VEPH1: variants seen among roughly 807,000 people sequenced by gnomAD.
VEPH1 encodes the protein ventricular zone-expressed PH domain-containing protein homolog 1.
A neutral mutation model predicts 85.2 loss-of-function variants in VEPH1; 80 were observed. The observed-to-expected ratio is 0.94, with a 90% CI of 0.78 to 1.13. The LOEUF (loss-of-function observed/expected upper bound fraction) is 1.13. Ranked by LOEUF, VEPH1 falls within the 50% of genes most tolerant of loss-of-function variation. VEPH1 has a pLI of 0.00. For synonymous variants in VEPH1, 297 were observed against 348.0 expected (o/e 0.85, Z 1.63); for missense variants, 955 against 980.5 (o/e 0.97, Z 0.35).
intron 6 of VEPH1, among the ~76,000 whole-genome samples, chr3:157,394,843 G>T (rs1280582872): frequency 6.6e-6 from 1 of 152,090 alleles, no homozygotes; most frequent in African/African-American, 2.4e-5. Context: ...TGTGAGTGGT[G>T]TCCCTTCTAC....
chr3:157,428,324 C>T lies in VEPH1; in HGVS notation c.694G>A (p.Glu232Lys), dbSNP rs35911360. 6.2e-6 allele frequency: 10 copies of T among 1,613,874 alleles called. No homozygotes were observed. In the Admixed American group the frequency reaches 1.2e-4, roughly 19 times the overall value. The change falls in exon 5 of 14, where the codon GAG (glutamate) becomes AAG (lysine). Residue 232 changes from glutamate to lysine, a missense_variant and splice_region_variant. By Grantham distance (56) the Glu-to-Lys change is moderately conservative. Coordinates refer to ENST00000362010, the MANE Select transcript of VEPH1 (RefSeq NM_001167912.2). ...GACATATACAATGTACTTTTTACCT[C>T]GAGTTGTTTTTTCTTTGCTGCTACA... Reference protein sequence around the residue: ...LHVAAKKKQLEVVQKCIPFLI... With the variant: ...LHVAAKKKQLKVVQKCIPFLI...
chr3:157,369,193 A>AAAAAAAAAAAAAAAAAAAAAAAAAAC (rs1553773125), intron 7 of VEPH1, among the ~76,000 whole-genome samples: 2 of 140,570 alleles, frequency 1.4e-5, no homozygotes, highest in East Asian at 2.2e-4. Flanking sequence ...AAAAAAAAAA[A>AAAAAAAAAAAAAAAAAAAAAAAAAAC]AAAAAAAAAA....
At chr3:157,400,556 A>G (rs1029360771) in intron 6 of VEPH1, among the ~76,000 whole-genome samples, 4 of 152,120 alleles carry the variant, frequency 2.6e-5, no homozygotes, top group Non-Finnish European at 4.4e-5. Context: ...TATGGTCTTT[A>G]GTTTGAATTT....
At chr3:157,428,214 G>T (rs1274763206) in intron 5 of VEPH1, 108 bp downstream of exon 5, 7 of 1,191,988 alleles carry the variant, frequency 5.9e-6, no homozygotes, top group Non-Finnish European at 8.0e-6. Context: ...TTAAAAAAAT[G>T]GGCATTTGTA....
intron 4 of VEPH1, among the ~76,000 whole-genome samples, chr3:157,448,928 T>G (rs969658907): frequency 1.4e-4 from 22 of 152,186 alleles, no homozygotes; most frequent in African/African-American, 5.3e-4. Context: ...ACTATTCTCA[T>G]GGTAGTAAAT....
intron 9 of VEPH1, among the ~76,000 whole-genome samples, chr3:157,350,165 A>G (rs181345729): frequency 1.4e-4 from 21 of 152,332 alleles, no homozygotes; most frequent in Admixed American, 1.3e-3. Context: ...TGTCATAGAA[A>G]CAGACACGTA....
chr3:157,272,008 G>T (rs1714620619), intron 12 of VEPH1, among the ~76,000 whole-genome samples: 1 of 152,216 alleles, frequency 6.6e-6, no homozygotes, highest in Non-Finnish European at 1.5e-5. Context: ...TGTTGATGCA[G>T]TCGTTTTAAC....
intron 6 of VEPH1, among the ~76,000 whole-genome samples, chr3:157,393,743 T>A (rs193114995): frequency 6.6e-6 from 1 of 152,342 alleles, no homozygotes; most frequent in East Asian, 1.9e-4. Context: ...TTCTTCTTCA[T>A]ACTTCCCTTG....
intron 4 of VEPH1, among the ~76,000 whole-genome samples, chr3:157,440,002 A>G (rs1004908351): frequency 3.3e-5 from 5 of 152,150 alleles, no homozygotes; most frequent in African/African-American, 9.7e-5. Context: ...CACCCGCCTC[A>G]GCCTCCCAAA....
intron 11 of VEPH1, among the ~76,000 whole-genome samples, chr3:157,292,983 CAAAA>C (rs11349713): frequency 3.6e-5 from 4 of 110,076 alleles, no homozygotes; most frequent in Non-Finnish European, 3.8e-5. Flanking sequence ...AACTCCACCT[CAAAA>C]AAAAAAAAAA....
intron 7 of VEPH1, among the ~76,000 whole-genome samples, chr3:157,368,596 A>G (rs1288939257): frequency 6.6e-6 from 1 of 151,868 alleles, no homozygotes; most frequent in Non-Finnish European, 1.5e-5. Flanking sequence ...GGTTCATGCC[A>G]TTCTCCCACC....
chr3:157,489,969 A>G (rs543326585), intron 2 of VEPH1, among the ~76,000 whole-genome samples: 1 of 152,104 alleles, frequency 6.6e-6, no homozygotes, highest in South Asian at 2.1e-4. Context: ...CTCAGAAAAA[A>G]ATATAAAACA....
intron 3 of VEPH1, among the ~76,000 whole-genome samples, chr3:157,461,771 C>A (rs1340021039): frequency 1.3e-5 from 2 of 151,990 alleles, no homozygotes; most frequent in African/African-American, 4.8e-5. Flanking sequence ...TAACTAAAAT[C>A]AATTTCAGAT....
chr3:157,391,633 A>G (rs1466624016), intron 6 of VEPH1, among the ~76,000 whole-genome samples: 1 of 152,226 alleles, frequency 6.6e-6, no homozygotes, highest in African/African-American at 2.4e-5. Context: ...CTGATAAAGA[A>G]GGAGAAAAAG....
At chr3:157,469,909 T>A (rs1171575657) in intron 3 of VEPH1, among the ~76,000 whole-genome samples, 1 of 152,216 alleles carries the variant, frequency 6.6e-6, no homozygotes, top group East Asian at 1.9e-4. Flanking sequence ...CTTAGTCACT[T>A]TCCCTGCTAG....
intron 9 of VEPH1, among the ~76,000 whole-genome samples, chr3:157,344,152 A>G (rs137977080): frequency 7.3e-4 from 111 of 152,344 alleles, no homozygotes; most frequent in African/African-American, 2.6e-3. Context: ...ACTCCTATTT[A>G]ACATAGTGTT....
At chr3:157,479,614 T>C (rs759060311) in intron 2 of VEPH1, among the ~76,000 whole-genome samples, 1 of 152,174 alleles carries the variant, frequency 6.6e-6, no homozygotes, top group Non-Finnish European at 1.5e-5. Flanking sequence ...AGGCAAAGGA[T>C]GTAATCATTT....
intron 9 of VEPH1, among the ~76,000 whole-genome samples, chr3:157,321,277 A>G (rs1053833607): frequency 5.3e-5 from 8 of 152,182 alleles, no homozygotes; most frequent in African/African-American, 1.4e-4. Context: ...CTGTATTTCT[A>G]CAATGATTTA....
intron 11 of VEPH1, among the ~76,000 whole-genome samples, chr3:157,298,389 C>T (rs1285341696): frequency 6.6e-6 from 1 of 152,158 alleles, no homozygotes; most frequent in African/African-American, 2.4e-5. Flanking sequence ...GGCTGTGGGA[C>T]CTCCTGCCCC....
Sources: gnomAD v4.1 joint callset for allele counts (sites outside exome capture counted in the v4.1 genomes callset) on GRCh38, gnomAD v4.1.1 for gene constraint, MANE v1.5 for transcripts, NCBI Gene and HGNC (gene_info 2026-07-23, HGNC 2026-07-21) for gene names.